Variants in ACTR5 observed in about 807,000 individuals in gnomAD.
ACTR5 encodes actin-related protein 5.
Under a neutral mutation model 61.2 loss-of-function variants are expected in ACTR5, and 43 were observed. That is an observed-to-expected ratio of 0.70 (90% CI 0.55 to 0.91). The LOEUF is 0.91. ACTR5 is among the 40% of genes least tolerant of loss of function. The probability of loss-of-function intolerance (pLI) is 0.00; values close to 1 mark genes in which losing one functional copy is unlikely to be tolerated. For synonymous variants in ACTR5, 333 were observed against 310.5 expected (o/e 1.07, Z -0.76); for missense variants, 798 against 782.2 (o/e 1.02, Z -0.24).
In ACTR5 at chr20:38,771,585, G is replaced by A; in HGVS notation, c.1593G>A (p.Leu531=). 1 of 1,613,992 alleles carries A rather than the reference G, an allele frequency of 6.2e-7. No individual in the cohort carries two copies. The highest frequency in any genetic ancestry group is 2.2e-5 in the East Asian group (1 of 44,874). Residue 531 remains leucine, a synonymous_variant, in exon 9 of 9, where the codon CTG becomes CTA. Transcript: ENST00000243903. The part of the protein sequence containing the change: ...FQVQLASNPV[L]DAWYGARDWA... ...TTCAACTTGCCTCGAACCCTGTGCT[G>A]GATGCCTGGTACGGTGCTCGTGACT...
At chr20:38,753,345 A>G (rs529728093) in intron 3 of ACTR5, among the ~76,000 whole-genome samples, 3 of 152,218 alleles carry the variant, frequency 2.0e-5, no homozygotes, top group Admixed American at 1.3e-4. Context: ...TTATAATCAT[A>G]TCCTGTTTTT....
chr20:38,755,711 G>A, intron 4 of ACTR5, 146 bp from the exon 5 acceptor site: 2 of 728,008 alleles, frequency 2.7e-6, no homozygotes, highest in Non-Finnish European at 4.7e-6. Flanking sequence ...CAGAGAGGTG[G>A]GCAGCTGTGT....
At chr20:38,764,545 G>T (rs1328055305) in intron 5 of ACTR5, among the ~76,000 whole-genome samples, 1 of 152,166 alleles carries the variant, frequency 6.6e-6, no homozygotes, top group Non-Finnish European at 1.5e-5. Context: ...GTCATAGAGG[G>T]AACTTGTTCT....
Position 38,756,003 on chromosome 20 carries a change from C to A in ACTR5, c.1140C>A (p.Val380=). 6.2e-7 allele frequency: 1 copy of A among 1,613,644 alleles called. No individual in the cohort carries two copies. Among genetic ancestry groups the A allele is most frequent in the Non-Finnish European group, 8.5e-7 (1 of 1,180,014 alleles). The stretch of plus-strand genomic sequence containing the variant: ...AGCAGAAAATCCTCCAAGCGGAAGT[C>A]AACCTCGAGGTGGATGTGGTAGACA... ...QAKQKILQAE[V]NLEVDVVDSK... The change falls in exon 5 of 9, where the codon GTC becomes GTA. Residue 380 remains valine, a synonymous_variant. Coordinates refer to ENST00000243903, the MANE Select transcript of ACTR5 (RefSeq NM_024855.4).
At chr20:38,755,398 T>A (rs1418823697) in intron 4 of ACTR5, among the ~76,000 whole-genome samples, 3 of 152,216 alleles carry the variant, frequency 2.0e-5, no homozygotes, top group African/African-American at 4.8e-5. Context: ...TATAAACTCC[T>A]TTATGTTTTT....
At chr20:38,755,824 T>C (rs1286321208) in intron 4 of ACTR5, 33 bp from the exon 5 acceptor site, 3 of 1,612,746 alleles carry the variant, frequency 1.9e-6, no homozygotes, top group East Asian at 4.5e-5. Context: ...TTGAAGCTAC[T>C]TTCCTTCCTG....
At chr20:38,749,811 G>A (rs577728116) in intron 1 of ACTR5, among the ~76,000 whole-genome samples, 199 bp from the exon 2 acceptor site, 156 of 152,314 alleles carry the variant, frequency 1.0e-3, no homozygotes, top group African/African-American at 3.7e-3. Context: ...ATGGGACCTT[G>A]ACTTAATAAC....
intron 3 of ACTR5, among the ~76,000 whole-genome samples, chr20:38,753,869 C>T (rs994080513): frequency 1.2e-4 from 13 of 111,180 alleles, no homozygotes; most frequent in Admixed American, 3.8e-4. Flanking sequence ...TTAGGTTATT[C>T]GAGCTTTTTT....
At chr20:38,748,950 A>G in intron 1 of ACTR5, 97 bp downstream of exon 1, 2 of 1,421,358 alleles carry the variant, frequency 1.4e-6, no homozygotes, top group Admixed American at 2.6e-5. Context: ...CAGTCACTTC[A>G]GTAGCTCCGA....
At chr20:38,755,578 T>C (rs2084415017) in intron 4 of ACTR5, among the ~76,000 whole-genome samples, 1 of 151,576 alleles carries the variant, frequency 6.6e-6, no homozygotes, top group Non-Finnish European at 1.5e-5. Flanking sequence ...CTTTCCCACC[T>C]TCCTTCACAT....
At chr20:38,753,698 T>C (rs1454682202) in intron 3 of ACTR5, among the ~76,000 whole-genome samples, 1 of 152,162 alleles carries the variant, frequency 6.6e-6, no homozygotes, top group African/African-American at 2.4e-5. Context: ...GTTGGATGAT[T>C]TTTAAAAAAA....
In ACTR5 at chr20:38,748,722, A is replaced by G. The variant is rs960178105; in HGVS notation, c.244A>G (p.Asn82Asp). 1 of 1,550,956 alleles carries G rather than the reference A, an allele frequency of 6.4e-7. No individual in the cohort carries two copies. The highest frequency in any genetic ancestry group is 8.7e-7 in the Non-Finnish European group (1 of 1,151,172). ...GGGCGCGTCGGGCCCGCAGGTGGGG[A>G]ACGCTCTGGGCAGCCTGGAGCCACT... ...ARGASGPQVG[N>D]ALGSLEPLRW... The change falls in exon 1 of 9, where the codon AAC becomes GAC. Residue 82 changes from asparagine (N) to aspartate (D), a missense_variant. Physicochemically the swap from Asn to Asp is conservative, Grantham distance 23. Coordinates refer to ENST00000243903, the MANE Select transcript of ACTR5 (RefSeq NM_024855.4).
In ACTR5 at chr20:38,748,746, C is replaced by G; in HGVS notation, c.268C>G (p.Leu90Val). The G allele has an allele frequency of 6.3e-7, 1 of 1,592,466 alleles. No homozygotes were observed. ...GAACGCTCTGGGCAGCCTGGAGCCA[C>G]TGCGCTGGATGCTGCGCTCGCCCTT... ...VGNALGSLEPLRWMLRSPFDR... is the reference protein window; with the variant it reads ...VGNALGSLEPVRWMLRSPFDR... The change falls in exon 1 of 9, where the codon CTG becomes GTG. Residue 90 changes from leucine (L) to valine (V), a missense_variant. Coordinates refer to ENST00000243903, the MANE Select transcript of ACTR5 (RefSeq NM_024855.4).
chr20:38,748,976 C>A, intron 1 of ACTR5, 123 bp downstream of exon 1: 2 of 1,246,278 alleles, frequency 1.6e-6, no homozygotes, highest in Non-Finnish European at 2.2e-6. Flanking sequence ...TTTTAGTCGA[C>A]CAGATGCTAG....
chr20:38,771,829 A>G lies in ACTR5; in HGVS notation c.*13A>G, dbSNP rs200327085. 6.2e-6 allele frequency: 10 copies of G among 1,606,056 alleles called. No individual in the cohort carries two copies. The African/African-American group carries it at 1.2e-4, about 19-fold the overall frequency. Reference sequence around the variant, plus strand: ...TGAGCAGGCATAGCAGAGGCCCTCCAGAGAGACTGCCCTGCACGCCATGCC... The same window carrying G: ...TGAGCAGGCATAGCAGAGGCCCTCCGGAGAGACTGCCCTGCACGCCATGCC... On this transcript the variant is annotated 3_prime_UTR_variant, in exon 9 of 9. Transcript: ENST00000243903.
At chr20:38,767,779 T>G (rs1360223102) in intron 8 of ACTR5, among the ~76,000 whole-genome samples, 183 bp downstream of exon 8, 1 of 152,248 alleles carries the variant, frequency 6.6e-6, no homozygotes, top group Non-Finnish European at 1.5e-5. Flanking sequence ...TTTTGTGGTT[T>G]CTTTAAATTG....
chr20:38,761,666 C>T (rs1048225538), intron 5 of ACTR5: 1 of 152,734 alleles, frequency 6.5e-6, no homozygotes, highest in African/African-American at 2.4e-5. Flanking sequence ...CATGCTTGGT[C>T]GAAGAGGACG....
intron 1 of ACTR5, among the ~76,000 whole-genome samples, chr20:38,749,728 G>C (rs924141083): frequency 6.6e-5 from 10 of 152,228 alleles, no homozygotes; most frequent in African/African-American, 2.2e-4. Flanking sequence ...AGATAGCAGG[G>C]AATGTCATTA....
chr20:38,771,771 C>T lies in ACTR5; in HGVS notation c.1779C>T (p.Ser593=), dbSNP rs750050278. The change falls in exon 9 of 9, where the codon AGC becomes AGT. Residue 593 remains serine, a synonymous_variant. Coordinates refer to ENST00000243903, the MANE Select transcript of ACTR5 (RefSeq NM_024855.4). ...ASRSSDAQAS[S]KGSAAGGGGA... Reference sequence around the variant, plus strand: ...GCTCCTCAGATGCCCAGGCATCCAGCAAGGGCTCCGCTGCTGGTGGAGGTG... The same window carrying T: ...GCTCCTCAGATGCCCAGGCATCCAGTAAGGGCTCCGCTGCTGGTGGAGGTG... 6.2e-7 allele frequency: 1 copy of T among 1,613,830 alleles called. No individual in the cohort carries two copies. The highest frequency in any genetic ancestry group is 8.5e-7 in the Non-Finnish European group (1 of 1,179,962).
Sources: gnomAD v4.1 joint callset for allele counts (sites outside exome capture counted in the v4.1 genomes callset) on GRCh38, gnomAD v4.1.1 for gene constraint, MANE v1.5 for transcripts, NCBI Gene and HGNC (gene_info 2026-07-23, HGNC 2026-07-21) for gene names.